The following LTBP2 variants were observed in gnomAD, a reference collection of about 807,000 sequenced individuals.
LTBP2 encodes latent transforming growth factor beta binding protein 2.
A neutral mutation model predicts 210.6 loss-of-function variants in LTBP2; 103 were observed. The observed-to-expected ratio is 0.49, with a 90% CI of 0.42 to 0.58. The LOEUF is 0.58. Among genes scored for constraint, LTBP2 ranks in the 20% least tolerant of loss-of-function variants. LTBP2 has a pLI of 0.00. For synonymous variants in LTBP2, 1,007 were observed against 1,015.0 expected (o/e 0.99, Z 0.15); for missense variants, 2,313 against 2,494.5 (o/e 0.93, Z 1.55).
At position 74,611,644 on chromosome 14, in the gene LTBP2, C is replaced by A. The variant is rs940757109; in HGVS notation, c.301G>T (p.Ala101Ser). 3.9e-6 allele frequency: 6 copies of A among 1,556,316 alleles called. No individual in the cohort carries two copies. The highest frequency in any genetic ancestry group is 4.3e-6 in the Non-Finnish European group (5 of 1,156,744). ...GCGCGGGACGGCCTCCTGGCCTCCG[C>A]CTCGGTGGGCCTCCTGGGGCTCCCC... is the stretch of plus-strand genomic sequence containing the variant. ...GWGSPRRPTE[A>S]EARRPSRAQQ... is the part of the protein sequence containing the mutation. Residue 101 changes from alanine (A) to serine (S), a missense_variant, in exon 1 of 36, where the codon GCG (alanine) becomes TCG (serine). By Grantham distance (99) the Ala-to-Ser change is moderately conservative. Coordinates refer to ENST00000261978, the MANE Select transcript of LTBP2 (RefSeq NM_000428.3).
intron 8 of LTBP2, among the ~76,000 whole-genome samples, chr14:74,540,858 TATATATATTTA>T (rs1185255925): frequency 1.7e-4 from 9 of 54,098 alleles, no homozygotes; most frequent in Admixed American, 2.8e-4. Flanking sequence ...TTATATATAT[TATATATATTTA>T]TATATATAAT....
At chr14:74,547,718 G>A (rs935981700) in intron 8 of LTBP2, among the ~76,000 whole-genome samples, 12 of 152,098 alleles carry the variant, frequency 7.9e-5, no homozygotes, top group Non-Finnish European at 1.8e-4. Flanking sequence ...GGAGGTCCCA[G>A]GGCAGGTCAG....
intron 17 of LTBP2, among the ~76,000 whole-genome samples, chr14:74,519,874 A>G (rs951178605): frequency 2.0e-4 from 31 of 152,096 alleles, no homozygotes; most frequent in African/African-American, 7.5e-4. Flanking sequence ...TCTGGCCCAC[A>G]ACACCCACCT....
intron 8 of LTBP2, among the ~76,000 whole-genome samples, chr14:74,545,177 T>A (rs1345589517): frequency 6.6e-6 from 1 of 152,196 alleles, no homozygotes; most frequent in African/African-American, 2.4e-5. Flanking sequence ...GAGATCTTGC[T>A]CAGCTGAGAG....
Position 74,610,526 on chromosome 14 carries a change from A to C in LTBP2, c.494+925T>G. On this transcript the variant is annotated intron_variant, in intron 1 of 35. Transcript: ENST00000261978. ...AAGAGAGGCTGCCAAAGCCCTTCCC[A>C]GACTTCCCGATGGTGCCCCCACCCA... 1.3e-5 allele frequency among the ~76,000 whole-genome samples: 2 copies of C among 152,166 alleles called. 1 individual carries two copies. The highest frequency in any genetic ancestry group is 6.3e-3 in the Middle Eastern group (2 of 316).
chr14:74,569,446 A>G (rs2087946058), intron 3 of LTBP2, among the ~76,000 whole-genome samples: 1 of 152,100 alleles, frequency 6.6e-6, no homozygotes, highest in African/African-American at 2.4e-5. Flanking sequence ...GACACTGGGA[A>G]TGTTGAACTG....
At chr14:74,567,983 A>G (rs1174747982) in intron 3 of LTBP2, among the ~76,000 whole-genome samples, 1 of 152,176 alleles carries the variant, frequency 6.6e-6, no homozygotes, top group Non-Finnish European at 1.5e-5. Context: ...CCGTCCCATC[A>G]GGCATTATGC....
Position 74,509,235 on chromosome 14 carries a change from T to C in LTBP2, c.3403+3A>G. 1 of 1,613,562 alleles carries C rather than the reference T, an allele frequency of 6.2e-7. No homozygotes were observed. On this transcript the variant is annotated splice_donor_region_variant and intron_variant, in intron 22 of 35. Coordinates refer to ENST00000261978, the MANE Select transcript of LTBP2 (RefSeq NM_000428.3). Reference sequence around the variant, plus strand: ...GTATCCTCTCCCACACAGAGGCTCATACCTTCACAGGAGTCACCCAGGGGG... The same window carrying C: ...GTATCCTCTCCCACACAGAGGCTCACACCTTCACAGGAGTCACCCAGGGGG...
At chr14:74,579,483 A>G (rs1364449452) in intron 3 of LTBP2, among the ~76,000 whole-genome samples, 2 of 152,214 alleles carry the variant, frequency 1.3e-5, no homozygotes, top group African/African-American at 4.8e-5. Context: ...TCTCAGCATC[A>G]GTAGGTTAAA....
chr14:74,560,226 T>G lies in LTBP2; in HGVS notation c.831-4533A>C, dbSNP rs1386644960. On this transcript the variant is annotated intron_variant, in intron 3 of 35. Transcript: ENST00000261978. Reference sequence around the variant, plus strand: ...CATAATTTCACGAAAGAAAAGACATTTCAGAGCCAAAAAAGAAACGTTTGA... The same window carrying G: ...CATAATTTCACGAAAGAAAAGACATGTCAGAGCCAAAAAAGAAACGTTTGA... Among the ~76,000 whole-genome samples, 2 of 152,136 alleles carry G rather than the reference T, an allele frequency of 1.3e-5. 1 individual carries two copies. The highest frequency in any genetic ancestry group is 3.9e-4 in the East Asian group (2 of 5,188).
intron 18 of LTBP2, 40 bp from the exon 19 acceptor site, chr14:74,511,404 C>T: frequency 6.2e-7 from 1 of 1,613,200 alleles, no homozygotes; most frequent in Non-Finnish European, 8.5e-7. Flanking sequence ...TCCCTGGGAA[C>T]ATAGCAAATG....
intron 8 of LTBP2, among the ~76,000 whole-genome samples, chr14:74,538,945 T>C (rs1251184128): frequency 6.6e-6 from 1 of 152,094 alleles, no homozygotes; most frequent in African/African-American, 2.4e-5. Flanking sequence ...TGGTATAAAC[T>C]GAGGACAGAG....
chr14:74,528,853 C>T (rs1211840526), intron 11 of LTBP2, 105 bp downstream of exon 11: 2 of 1,536,722 alleles, frequency 1.3e-6, no homozygotes, highest in Non-Finnish European at 1.8e-6. Context: ...GCAGGGAAGG[C>T]TACTTCAGTC....
chr14:74,533,730 G>A (rs1230273090), intron 9 of LTBP2, among the ~76,000 whole-genome samples: 2 of 152,170 alleles, frequency 1.3e-5, no homozygotes, highest in Non-Finnish European at 2.9e-5. Flanking sequence ...AATAAGGGAG[G>A]TGCACTGGTT....
Position 74,508,896 on chromosome 14 carries a change from T to C in LTBP2, c.3460A>G (p.Thr1154Ala). The change falls in exon 23 of 36, where the codon ACT becomes GCT. Residue 1154 changes from threonine to alanine, a missense_variant. By Grantham distance (58) the Thr-to-Ala change is moderately conservative (BLOSUM62 0). Around this residue, in one of 3 missense-constraint regions of LTBP2, gnomAD observed 1,867 missense variants for 1,976.9 expected, o/e 0.94. Transcript: ENST00000261978. ...CAGAGGCACTGGTAGGAGCCCACAG[T>C]GTTCTTGCACTCGCCTCCCAGGCAG... is the stretch of plus-strand genomic sequence containing the variant. ...SSCLGGECKN[T>A]VGSYQCLCPQ... is the part of the protein sequence containing the mutation. 1 of 1,613,688 alleles carries C rather than the reference T, an allele frequency of 6.2e-7. No homozygotes were observed. Among genetic ancestry groups the C allele is most frequent in the South Asian group, 1.1e-5 (1 of 91,076 alleles).
chr14:74,548,506 G>A (rs552145752), intron 8 of LTBP2, among the ~76,000 whole-genome samples: 4 of 152,156 alleles, frequency 2.6e-5, no homozygotes, highest in South Asian at 4.2e-4. Context: ...AATATTTGTC[G>A]ACTGATTAGA....
Position 74,555,880 on chromosome 14 carries a change from C to T in LTBP2, c.831-187G>A, listed in dbSNP as rs527629009. Among the ~76,000 whole-genome samples the T allele has an allele frequency of 5.9e-5, 9 of 152,316 alleles. No individual in the cohort carries two copies. In the East Asian group the frequency reaches 1.3e-3, roughly 23 times the overall value. ...GCAGAAGGACTGATCTAAGGCCTGC[C>T]GGCTAGTTTTGTAGAAATACCAACC... On this transcript the variant is annotated intron_variant, in intron 3 of 35. Coordinates refer to ENST00000261978, the MANE Select transcript of LTBP2 (RefSeq NM_000428.3).
intron 3 of LTBP2, among the ~76,000 whole-genome samples, chr14:74,563,148 C>T (rs570643364): frequency 1.3e-5 from 2 of 152,286 alleles, no homozygotes; most frequent in South Asian, 4.2e-4. Flanking sequence ...TAAGGAGAAA[C>T]AACTTTGTAA....
chr14:74,552,395 T>C lies in LTBP2; in HGVS notation c.1193-2A>G. The C allele has an allele frequency of 6.2e-7, 1 of 1,604,128 alleles. No homozygotes were observed. Among genetic ancestry groups the C allele is most frequent in the Admixed American group, 1.7e-5 (1 of 60,020 alleles). ...TCAGGCAGGGGATCTGGCAGAAATCTGCAACATCAACCCTCAAGGTAACCA... is the reference window on the plus strand; with the variant it reads ...TCAGGCAGGGGATCTGGCAGAAATCCGCAACATCAACCCTCAAGGTAACCA... On this transcript the variant is annotated splice_acceptor_variant, in intron 5 of 35. Coordinates refer to ENST00000261978, the MANE Select transcript of LTBP2 (RefSeq NM_000428.3). LOFTEE classifies it high-confidence loss of function.
Sources: allele counts gnomAD v4.1 joint callset (sites outside exome capture counted in the v4.1 genomes callset), GRCh38; gene constraint gnomAD v4.1.1; regional missense constraint gnomAD v4.1.1; transcripts MANE v1.5; gene names NCBI Gene and HGNC (gene_info 2026-07-23, HGNC 2026-07-21).